Variants in PTPRM observed in about 807,000 individuals in gnomAD.
PTPRM encodes receptor-type tyrosine-protein phosphatase mu.
A neutral mutation model predicts 186.7 loss-of-function variants in PTPRM; 47 were observed. The observed-to-expected ratio is 0.25, with a 90% CI of 0.20 to 0.32. PTPRM has a LOEUF of 0.32. Among genes scored for constraint, PTPRM ranks in the 10% least tolerant of loss-of-function variants. The probability of loss-of-function intolerance (pLI) is 1.00; values close to 1 mark genes in which losing one functional copy is unlikely to be tolerated. For synonymous variants in PTPRM, 668 were observed against 674.9 expected (o/e 0.99, Z 0.16); for missense variants, 1,494 against 1,865.0 (o/e 0.80, Z 3.66).
At chr18:8,218,207 C>G (rs761360581) in intron 14 of PTPRM, among the ~76,000 whole-genome samples, 11 of 152,140 alleles carry the variant, frequency 7.2e-5, no homozygotes, top group Non-Finnish European at 1.6e-4. Flanking sequence ...CAATGTTTGT[C>G]AAATCTCTAA....
At chr18:7,677,408 T>C (rs2039369797) in intron 1 of PTPRM, among the ~76,000 whole-genome samples, 1 of 152,196 alleles carries the variant, frequency 6.6e-6, no homozygotes, top group Non-Finnish European at 1.5e-5. Context: ...AATGTTTAAA[T>C]ATCTGCAGTG....
At chr18:8,184,122 A>T (rs1434079962) in intron 14 of PTPRM, among the ~76,000 whole-genome samples, 1 of 151,882 alleles carries the variant, frequency 6.6e-6, no homozygotes, top group Non-Finnish European at 1.5e-5. Context: ...TAACCAGAAG[A>T]TCTTCTGTCC....
chr18:8,100,316 T>G (rs1197274277), intron 11 of PTPRM, among the ~76,000 whole-genome samples: 1 of 152,164 alleles, frequency 6.6e-6, no homozygotes, highest in Non-Finnish European at 1.5e-5. Flanking sequence ...TAATTTTGTA[T>G]TTTTAGTAGA....
chr18:7,836,903 G>T (rs1429762915), intron 2 of PTPRM, among the ~76,000 whole-genome samples: 1 of 152,000 alleles, frequency 6.6e-6, no homozygotes, highest in Non-Finnish European at 1.5e-5. Flanking sequence ...CTTTTTTCTT[G>T]CTGCTTTTAG....
At chr18:7,842,947 T>TATATATATATATATATATAGAGAG (rs370746043) in intron 2 of PTPRM, among the ~76,000 whole-genome samples, 1 of 112,118 alleles carries the variant, frequency 8.9e-6, no homozygotes, top group African/African-American at 4.2e-5. Context: ...TATATATATA[T>TATATATATATATATATATAGAGAG]AGAGAGAGAG....
chr18:7,785,948 G>A (rs554776533), intron 2 of PTPRM, among the ~76,000 whole-genome samples: 3 of 152,298 alleles, frequency 2.0e-5, no homozygotes, highest in African/African-American at 7.2e-5. Context: ...GTTGGAAAAT[G>A]CATAAGGAAT....
chr18:7,785,598 G>T (rs2043063415), intron 2 of PTPRM, among the ~76,000 whole-genome samples: 1 of 152,124 alleles, frequency 6.6e-6, no homozygotes, highest in East Asian at 1.9e-4. Flanking sequence ...ATTAATTGAG[G>T]TACACCGACT....
chr18:8,265,639 C>A (rs1343433280), intron 19 of PTPRM, among the ~76,000 whole-genome samples: 1 of 152,130 alleles, frequency 6.6e-6, no homozygotes, highest in Non-Finnish European at 1.5e-5. Context: ...TTAAATGATA[C>A]AAAAAATAAC....
chr18:7,751,429 C>G (rs1388557074), intron 1 of PTPRM: 1 of 152,190 alleles, frequency 6.6e-6, no homozygotes, highest in Non-Finnish European at 1.5e-5. Context: ...AATACATTGC[C>G]ACTGCCATAA....
chr18:7,881,204 G>A (rs1457863579), intron 2 of PTPRM, among the ~76,000 whole-genome samples: 1 of 152,154 alleles, frequency 6.6e-6, no homozygotes, highest in Non-Finnish European at 1.5e-5. Flanking sequence ...GGAGGCTGAG[G>A]CAAGTGGATC....
intron 1 of PTPRM, among the ~76,000 whole-genome samples, chr18:7,664,515 T>G (rs2039052438): frequency 6.6e-6 from 1 of 152,246 alleles, no homozygotes; most frequent in South Asian, 2.1e-4. Context: ...CCAAGGCCAG[T>G]GGGCTGGTGC....
intron 1 of PTPRM, among the ~76,000 whole-genome samples, chr18:7,761,311 G>A (rs1040081463): frequency 3.3e-5 from 5 of 152,108 alleles, no homozygotes; most frequent in Admixed American, 1.3e-4. Flanking sequence ...GATTGAATAT[G>A]TATTAACTAC....
chr18:7,696,168 T>C (rs958331212), intron 1 of PTPRM, among the ~76,000 whole-genome samples: 1 of 152,186 alleles, frequency 6.6e-6, no homozygotes, highest in African/African-American at 2.4e-5. Context: ...TTCAGGGTTT[T>C]TTCTTCTTTA....
chr18:7,605,993 C>T (rs539186825), intron 1 of PTPRM, among the ~76,000 whole-genome samples: 4 of 152,252 alleles, frequency 2.6e-5, no homozygotes, highest in African/African-American at 9.6e-5. Context: ...GTCAGGAAGG[C>T]AGGGAGCTTT....
chr18:7,776,132 G>A (rs2042568479), intron 2 of PTPRM, among the ~76,000 whole-genome samples: 1 of 152,068 alleles, frequency 6.6e-6, no homozygotes, highest in Non-Finnish European at 1.5e-5. Context: ...TGACATGGAG[G>A]CATTTATATG....
At chr18:7,774,959 C>T (rs1335773170) in intron 2 of PTPRM, among the ~76,000 whole-genome samples, 2 of 152,128 alleles carry the variant, frequency 1.3e-5, no homozygotes, top group African/African-American at 4.8e-5. Context: ...GACTTTAGGT[C>T]TGCAGATTTG....
chr18:8,263,856 G>A (rs989688929), intron 19 of PTPRM, among the ~76,000 whole-genome samples: 5 of 152,222 alleles, frequency 3.3e-5, no homozygotes, highest in African/African-American at 9.6e-5. Flanking sequence ...GCACCTGTTC[G>A]TGTGGTTGCT....
chr18:8,294,631 T>C (rs987609912), intron 19 of PTPRM, among the ~76,000 whole-genome samples: 1 of 152,200 alleles, frequency 6.6e-6, no homozygotes, highest in African/African-American at 2.4e-5. Flanking sequence ...TAGCGATGCA[T>C]AGTGTGAGTC....
chr18:8,163,953 A>G (rs2093275867), intron 14 of PTPRM, among the ~76,000 whole-genome samples: 2 of 152,208 alleles, frequency 1.3e-5, no homozygotes, highest in Non-Finnish European at 2.9e-5. Context: ...TTCAGATGTT[A>G]TACTGCTAAT....
Sources: allele counts gnomAD v4.1 joint callset (sites outside exome capture counted in the v4.1 genomes callset), GRCh38; gene constraint gnomAD v4.1.1; transcripts MANE v1.5; gene names NCBI Gene and HGNC (gene_info 2026-07-23, HGNC 2026-07-21).